The following TBC1D9 variants were observed in gnomAD, a reference collection of about 807,000 sequenced individuals.
TBC1D9 encodes TBC1 domain family member 9, also known as TBC1 domain family member 9A.
TBC1D9 carries 63 observed loss-of-function variants against 132.0 expected under a neutral mutation model. The observed-to-expected ratio is 0.48, with a 90% CI of 0.39 to 0.59. TBC1D9 has a LOEUF of 0.59. Ranked by LOEUF, TBC1D9 falls within the 20% of genes least tolerant of loss-of-function variation. The pLI, the probability that TBC1D9 is intolerant of heterozygous loss-of-function variation, is 0.00. For synonymous variants in TBC1D9, 610 were observed against 609.9 expected (o/e 1.00, Z 0.00); for missense variants, 1,261 against 1,592.7 (o/e 0.79, Z 3.54).
At chr4:140,720,990 G>A (rs1234451764) in intron 1 of TBC1D9, among the ~76,000 whole-genome samples, 2 of 152,106 alleles carry the variant, frequency 1.3e-5, no homozygotes, top group Non-Finnish European at 1.5e-5. Context: ...CTCTTTCACC[G>A]AGGTCAGAGC....
intron 1 of TBC1D9, among the ~76,000 whole-genome samples, chr4:140,750,745 A>G (rs1268651267): frequency 6.6e-6 from 1 of 152,148 alleles, no homozygotes; most frequent in Non-Finnish European, 1.5e-5. Flanking sequence ...TGTAATGTCA[A>G]TCAAAATCTC....
At chr4:140,744,025 G>GT (rs1327699013) in intron 1 of TBC1D9, among the ~76,000 whole-genome samples, 7 of 152,178 alleles carry the variant, frequency 4.6e-5, no homozygotes, top group African/African-American at 1.4e-4. Flanking sequence ...CATTCCCACG[G>GT]TTTCTTTGTA....
At chr4:140,711,329 G>A (rs1463032660) in intron 1 of TBC1D9, among the ~76,000 whole-genome samples, 1 of 152,210 alleles carries the variant, frequency 6.6e-6, no homozygotes, top group Non-Finnish European at 1.5e-5. Flanking sequence ...ACCTTGAGAG[G>A]TAGGAAGGAG....
intron 1 of TBC1D9, among the ~76,000 whole-genome samples, chr4:140,726,658 T>G (rs1738506180): frequency 6.6e-6 from 1 of 152,188 alleles, no homozygotes; most frequent in Non-Finnish European, 1.5e-5. Context: ...ATAAAACCAA[T>G]GAAAGTCTGA....
intron 3 of TBC1D9, among the ~76,000 whole-genome samples, chr4:140,684,765 G>A (rs1028087262): frequency 1.3e-5 from 2 of 151,238 alleles, no homozygotes; most frequent in African/African-American, 4.9e-5. Flanking sequence ...AGGAGGCAGA[G>A]TTTGCAGTGA....
At chr4:140,626,370 G>A (rs1206365855) in intron 18 of TBC1D9, among the ~76,000 whole-genome samples, 2 of 152,128 alleles carry the variant, frequency 1.3e-5, no homozygotes, top group Non-Finnish European at 2.9e-5. Context: ...CATAGCTAGT[G>A]TTCTGTCCAA....
chr4:140,729,756 G>T (rs1436669665), intron 1 of TBC1D9, among the ~76,000 whole-genome samples: 2 of 129,166 alleles, frequency 1.5e-5, no homozygotes, highest in Non-Finnish European at 3.1e-5. Context: ...GGAGGCAGAG[G>T]TTGCAATGAG....
intron 1 of TBC1D9, among the ~76,000 whole-genome samples, chr4:140,734,377 A>G (rs113471352): frequency 0.021 from 3,238 of 152,110 alleles, 64 homozygotes; most frequent in African/African-American, 0.052. Context: ...CTATTCACCC[A>G]CCTTGGCCTC....
intron 20 of TBC1D9, among the ~76,000 whole-genome samples, 179 bp from the exon 21 acceptor site, chr4:140,623,096 TC>T (rs1300773774): frequency 1.3e-5 from 2 of 152,192 alleles, no homozygotes; most frequent in Non-Finnish European, 2.9e-5. Context: ...AATTTTTATT[TC>T]TTTTTGAGAC....
intron 1 of TBC1D9, among the ~76,000 whole-genome samples, chr4:140,754,238 G>T (rs1041743823): frequency 2.0e-5 from 3 of 152,180 alleles, no homozygotes; most frequent in Non-Finnish European, 4.4e-5. Context: ...TGCTTACAAG[G>T]TGTAGGAGGG....
chr4:140,672,778 A>G (rs1737558072), intron 6 of TBC1D9, among the ~76,000 whole-genome samples: 1 of 152,242 alleles, frequency 6.6e-6, no homozygotes. Flanking sequence ...ATAATGAGAC[A>G]TATTTTCATG....
At chr4:140,644,008 G>T in intron 13 of TBC1D9, 1 of 510,798 alleles carries the variant, frequency 2.0e-6, no homozygotes, top group Non-Finnish European at 3.7e-6. Flanking sequence ...AGCGGCTCTG[G>T]GATCTTGGAG....
intron 15 of TBC1D9, among the ~76,000 whole-genome samples, chr4:140,634,731 C>A (rs1047183030): frequency 1.1e-4 from 16 of 152,268 alleles, no homozygotes; most frequent in African/African-American, 3.6e-4. Context: ...TCATACATAA[C>A]CCCCTGCTTC....
chr4:140,654,805 C>CT (rs571326873), intron 13 of TBC1D9, among the ~76,000 whole-genome samples: 23 of 148,558 alleles, frequency 1.5e-4, no homozygotes, highest in African/African-American at 5.4e-4. Context: ...CTTGATCATT[C>CT]TTTTTTTTTT....
intron 1 of TBC1D9, among the ~76,000 whole-genome samples, chr4:140,735,026 T>G (rs1004807544): frequency 1.3e-5 from 2 of 152,190 alleles, no homozygotes; most frequent in African/African-American, 4.8e-5. Flanking sequence ...ACTCCAAAAA[T>G]GTTTAAACTC....
intron 16 of TBC1D9, among the ~76,000 whole-genome samples, chr4:140,629,378 T>A (rs566488409): frequency 6.6e-6 from 1 of 152,208 alleles, no homozygotes; most frequent in Non-Finnish European, 1.5e-5. Context: ...ATAGTCTTTA[T>A]CAGATCTCAA....
intron 2 of TBC1D9, among the ~76,000 whole-genome samples, chr4:140,691,615 A>T (rs1737879389): frequency 6.6e-6 from 1 of 152,170 alleles, no homozygotes; most frequent in Non-Finnish European, 1.5e-5. Flanking sequence ...ATAACAAAGA[A>T]CCCTGATGTT....
In TBC1D9 at chr4:140,669,127, G is replaced by A. The variant is rs184989699; in HGVS notation, c.1438-60C>T. 3.9e-5 allele frequency: 60 copies of A among 1,537,342 alleles called. No individual in the cohort carries two copies. The African/African-American group carries it at 7.9e-4, about 20-fold the overall frequency. ...GTACCCTGAGGATGGTAAGAGAAGA[G>A]TGATGGAAGGTCAGAACATGTTCCC... On this transcript the variant is annotated intron_variant, in intron 8 of 20. Transcript: ENST00000442267.
At chr4:140,728,605 T>C (rs913976052) in intron 1 of TBC1D9, among the ~76,000 whole-genome samples, 3 of 152,114 alleles carry the variant, frequency 2.0e-5, no homozygotes, top group Non-Finnish European at 4.4e-5. Context: ...GCGATTCTTG[T>C]GCCTCAGCCT....
Sources: allele counts gnomAD v4.1 joint callset (sites outside exome capture counted in the v4.1 genomes callset), GRCh38; gene constraint gnomAD v4.1.1; transcripts MANE v1.5; gene names NCBI Gene and HGNC (gene_info 2026-07-23, HGNC 2026-07-21).